ICAM2: variants seen among roughly 807,000 people sequenced by gnomAD.
ICAM2 encodes the protein intercellular adhesion molecule 2.
Under a neutral mutation model 19.1 loss-of-function variants are expected in ICAM2, and 14 were observed. The observed-to-expected ratio is 0.73, with a 90% CI of 0.48 to 1.15. The LOEUF (loss-of-function observed/expected upper bound fraction) is 1.15, where lower values mean the gene tolerates loss of function less well. ICAM2 is among the 50% of genes most tolerant of loss of function. ICAM2 has a pLI of 0.00. For synonymous variants in ICAM2, 153 were observed against 152.7 expected (o/e 1.00, Z -0.01); for missense variants, 311 against 355.4 (o/e 0.88, Z 1.00).
At chr17:64,016,098 C>T (rs988522762) in intron 1 of ICAM2, among the ~76,000 whole-genome samples, 1 of 152,036 alleles carries the variant, frequency 6.6e-6, no homozygotes, top group African/African-American at 2.4e-5. Context: ...CTAAACAAGA[C>T]AAGTACAGGA....
At chr17:64,018,713 C>CTTTT (rs67934258) in intron 1 of ICAM2, among the ~76,000 whole-genome samples, 7 of 62,912 alleles carry the variant, frequency 1.1e-4, no homozygotes, top group African/African-American at 3.7e-4. Flanking sequence ...GTTTACTTCT[C>CTTTT]TTTTTTTTTT....
Position 64,003,743 on chromosome 17 carries a change from C to T in ICAM2, c.550G>A (p.Gly184Ser). ...GCCAGGCAGGAGAAGTTGCGGTGGC[C>T]ATCCTCTCTGTCAGCCGTGCTGTTG... ...TFNSTADREDGHRNFSCLAVL... is the reference protein window; with the variant it reads ...TFNSTADREDSHRNFSCLAVL... The change falls in exon 4 of 5, where the codon GGC becomes AGC. Residue 184 changes from glycine (G) to serine (S), a missense_variant. By Grantham distance (56) the Gly-to-Ser change is moderately conservative. Transcript: ENST00000579788. 1 of 1,614,230 alleles carries T rather than the reference C, an allele frequency of 6.2e-7. No homozygotes were observed. The highest frequency in any genetic ancestry group is 2.2e-5 in the East Asian group (1 of 44,886).
Position 64,003,762 on chromosome 17 carries a change from G to C in ICAM2, c.531C>G (p.Ser177Arg). The C allele has an allele frequency of 6.2e-7, 1 of 1,614,254 alleles. No individual in the cohort carries two copies. The highest frequency in any genetic ancestry group is 8.5e-7 in the Non-Finnish European group (1 of 1,180,044). The change falls in exon 4 of 5, where the codon AGC (serine) becomes AGG (arginine). Residue 177 changes from serine to arginine, a missense_variant. Ser to Arg is a moderately radical substitution (Grantham distance 110). Transcript: ENST00000579788. ...APQEATATFN[S>R]TADREDGHRN... is the part of the protein sequence containing the mutation. ...GGTGGCCATCCTCTCTGTCAGCCGT[G>C]CTGTTGAATGTGGCTGTGGCCTCCT...
chr17:64,005,479 G>A, intron 2 of ICAM2, 106 bp from the exon 3 acceptor site: 1 of 1,321,854 alleles, frequency 7.6e-7, no homozygotes, highest in Non-Finnish European at 1.0e-6. Flanking sequence ...GACTGAAGAG[G>A]AAAGGTCATT....
intron 1 of ICAM2, among the ~76,000 whole-genome samples, chr17:64,016,940 T>A (rs573476996): frequency 6.6e-5 from 10 of 152,252 alleles, no homozygotes; most frequent in Admixed American, 2.6e-4. Context: ...TTCAACACCC[T>A]TTTATGATAC....
chr17:64,008,051 C>CG (rs1567847195), intron 1 of ICAM2, among the ~76,000 whole-genome samples: 2 of 152,070 alleles, frequency 1.3e-5, no homozygotes, highest in African/African-American at 4.8e-5. Flanking sequence ...AGCTCCATTC[C>CG]GGGTTGGGAG....
chr17:64,019,776 A>G (rs568294995), intron 1 of ICAM2, among the ~76,000 whole-genome samples: 55 of 141,014 alleles, frequency 3.9e-4, no homozygotes, highest in African/African-American at 1.4e-3. Flanking sequence ...AGATTGTGCC[A>G]CTGCACTCCA....
At chr17:64,010,181 CA>C (rs147944631) in intron 1 of ICAM2, among the ~76,000 whole-genome samples, 1,650 of 152,330 alleles carry the variant, frequency 0.011, 26 homozygotes, top group South Asian at 0.026. Context: ...CCTGCTGTGT[CA>C]GTGTAATTGG....
chr17:64,005,497 C>T (rs771253855), intron 2 of ICAM2, 124 bp from the exon 3 acceptor site: 11 of 1,071,106 alleles, frequency 1.0e-5, no homozygotes, highest in Non-Finnish European at 1.3e-5. Context: ...ATTGGGGACC[C>T]CGCTGCTACT....
rs781059392 is a variant in ICAM2 at position 64,002,864 on chromosome 17, C to G, written c.711G>C (p.Leu237=). 4 of 1,614,006 alleles carry G rather than the reference C, an allele frequency of 2.5e-6. No individual in the cohort carries two copies. Among genetic ancestry groups the G allele is most frequent in the Non-Finnish European group, 2.5e-6 (3 of 1,179,982 alleles). The change falls in exon 5 of 5, where the codon CTG becomes CTC. Residue 237 remains leucine (L), a synonymous_variant. Coordinates refer to ENST00000579788, the MANE Select transcript of ICAM2 (RefSeq NM_001099789.2). The part of the protein sequence containing the change: ...IVTVVSVLLS[L]FVTSVLLCFI... ...AGCAGAGCAGGACAGATGTCACGAA[C>G]AGGGACAGCAACACCGACACCACCG...
intron 1 of ICAM2, among the ~76,000 whole-genome samples, chr17:64,008,365 G>A (rs1911306233): frequency 6.6e-6 from 1 of 152,166 alleles, no homozygotes; most frequent in African/African-American, 2.4e-5. Flanking sequence ...TGGGGATGGG[G>A]ACATTGCTGT....
chr17:64,005,463 G>C (rs1167466654), intron 2 of ICAM2, 90 bp from the exon 3 acceptor site: 3 of 1,431,284 alleles, frequency 2.1e-6, no homozygotes, highest in Non-Finnish European at 2.9e-6. Flanking sequence ...TGGCTCCTGG[G>C]TCAGGGACTG....
Position 64,014,588 on chromosome 17 carries a change from GAAGA to G in ICAM2, c.-45+5931_-45+5934del, listed in dbSNP as rs1473429701. ...GAGAGAGAGAAAGGAAGGAAGGAAG[GAAGA>G]AAGAAAGAAAGGGAGGGAGGGAGGG... On this transcript the variant is annotated intron_variant, in intron 1 of 4. Coordinates refer to ENST00000579788, the MANE Select transcript of ICAM2 (RefSeq NM_001099789.2). 1.7e-3 allele frequency among the ~76,000 whole-genome samples: 190 copies of G among 112,230 alleles called. 1 individual carries two copies. Among genetic ancestry groups the G allele is most frequent in the African/African-American group, 5.3e-3 (153 of 29,096 alleles). 73.6% of individuals were successfully genotyped at this position (112,230 alleles called of 152,430 possible). A position where few individuals can be genotyped will look rare whatever the true frequency, so the allele number is the denominator to read the frequency against.
intron 1 of ICAM2, among the ~76,000 whole-genome samples, chr17:64,009,537 T>A (rs1156873278): frequency 6.6e-6 from 1 of 152,182 alleles, no homozygotes; most frequent in East Asian, 1.9e-4. Flanking sequence ...AACGTCCGCC[T>A]CCTGGGTTCA....
rs372533884 is a variant in ICAM2 at position 64,005,401 on chromosome 17, G to A, written c.62-28C>T. The A allele has an allele frequency of 7.1e-5, 114 of 1,602,788 alleles. 1 individual carries two copies. The highest frequency in any genetic ancestry group is 5.0e-4 in the Middle Eastern group (3 of 6,036). Reference sequence around the variant, plus strand: ...GGAAAACCAGAAACACTGGGCAGTCGTGTCATCCCCCCACCCCCTGCCCTC... The same window carrying A: ...GGAAAACCAGAAACACTGGGCAGTCATGTCATCCCCCCACCCCCTGCCCTC... On this transcript the variant is annotated intron_variant, in intron 2 of 4. Transcript: ENST00000579788.
intron 2 of ICAM2, 134 bp downstream of exon 2, chr17:64,006,497 A>T: frequency 1.4e-6 from 1 of 722,812 alleles, no homozygotes; most frequent in Non-Finnish European, 2.4e-6. Context: ...ACCCTGTCTT[A>T]AAACAAAACA....
In ICAM2 at chr17:64,002,643, T is replaced by G. The variant is rs1910856176; in HGVS notation, c.*104A>C. 1.9e-6 allele frequency: 2 copies of G among 1,041,224 alleles called. No individual in the cohort carries two copies. The allele number at this position is 1,041,224 out of a possible 1,614,324, so 64.5% of individuals were successfully genotyped here. On this transcript the variant is annotated 3_prime_UTR_variant, in exon 5 of 5. Coordinates refer to ENST00000579788, the MANE Select transcript of ICAM2 (RefSeq NM_001099789.2). ...GCTAGAAAAGGCAATGTCCCAAGTC[T>G]CTGCTGCCTGTCACAGTCCTTCAGC...
chr17:64,011,355 G>C (rs190028571), intron 1 of ICAM2, among the ~76,000 whole-genome samples: 1 of 152,172 alleles, frequency 6.6e-6, no homozygotes. Flanking sequence ...TCAGCTCCTC[G>C]GGAGGCTGAG....
chr17:64,017,301 C>G (rs978497735), intron 1 of ICAM2, among the ~76,000 whole-genome samples: 1 of 152,134 alleles, frequency 6.6e-6, no homozygotes, highest in African/African-American at 2.4e-5. Flanking sequence ...ATTGGTTGTT[C>G]TTGTGTGTAT....
Sources: gnomAD v4.1 joint callset for allele counts (sites outside exome capture counted in the v4.1 genomes callset) on GRCh38, gnomAD v4.1.1 for gene constraint, MANE v1.5 for transcripts, NCBI Gene and HGNC (gene_info 2026-07-23, HGNC 2026-07-21) for gene names.